The following SLC12A6 variants were observed in gnomAD, a reference collection of about 807,000 sequenced individuals.
The protein encoded by SLC12A6 is solute carrier family 12 member 6, also known as K-Cl cotransporter 3.
SLC12A6 carries 66 observed loss-of-function variants against 135.3 expected under a neutral mutation model. The observed-to-expected ratio is 0.49, with a 90% CI of 0.40 to 0.60. The LOEUF (loss-of-function observed/expected upper bound fraction) is 0.60, where lower values mean the gene tolerates loss of function less well. Among genes scored for constraint, SLC12A6 ranks in the 20% least tolerant of loss-of-function variants. The pLI is 0.00. For missense variants in SLC12A6, 1,058 were observed against 1,452.3 expected (o/e 0.73, Z 4.41); for synonymous variants, 513 against 508.8 (o/e 1.01, Z -0.11).
At chr15:34,290,416 G>A (rs1895433428) in intron 2 of SLC12A6, among the ~76,000 whole-genome samples, 1 of 152,176 alleles carries the variant, frequency 6.6e-6, no homozygotes. Flanking sequence ...GTCAATTTTA[G>A]AATAAGTGCT....
intron 2 of SLC12A6, among the ~76,000 whole-genome samples, chr15:34,303,897 G>A (rs1210179504): frequency 6.6e-6 from 1 of 152,236 alleles, no homozygotes; most frequent in East Asian, 1.9e-4. Flanking sequence ...CCAGTCTGTG[G>A]TATTGTTATA....
At chr15:34,314,266 C>T (rs1459966347) in intron 2 of SLC12A6, among the ~76,000 whole-genome samples, 2 of 152,104 alleles carry the variant, frequency 1.3e-5, no homozygotes, top group Non-Finnish European at 2.9e-5. Context: ...AAGCTGGTCT[C>T]GAACTCCTGA....
chr15:34,258,150 A>G (rs1258310768), intron 5 of SLC12A6, among the ~76,000 whole-genome samples: 1 of 152,238 alleles, frequency 6.6e-6, no homozygotes, highest in African/African-American at 2.4e-5. Flanking sequence ...GAATTTCTTC[A>G]GAATTTGGCA....
At chr15:34,296,897 T>C (rs1226631080) in intron 2 of SLC12A6, among the ~76,000 whole-genome samples, 1 of 152,134 alleles carries the variant, frequency 6.6e-6, no homozygotes, top group Non-Finnish European at 1.5e-5. Flanking sequence ...TGAAAAAAAA[T>C]TTTAGTAACC....
chr15:34,251,344 T>A (rs1892380928), intron 10 of SLC12A6, among the ~76,000 whole-genome samples: 1 of 152,194 alleles, frequency 6.6e-6, no homozygotes, highest in South Asian at 2.1e-4. Context: ...GCCTCCCAGG[T>A]TCACGCCATT....
At position 34,336,601 on chromosome 15, in the gene SLC12A6, C is replaced by A. The variant is rs1297931538; in HGVS notation, c.80G>T (p.Gly27Val). ...VTPTKIDDIP[G>V]LSDTSPDLSS... is the part of the protein sequence containing the mutation. ...GAGGTCCGGACTGGTGTCTGACAAACCTGGAATGTCATCGATCTTTGTCGG... is the reference window on the plus strand; with the variant it reads ...GAGGTCCGGACTGGTGTCTGACAAAACTGGAATGTCATCGATCTTTGTCGG... The change falls in exon 2 of 26, where the codon GGT becomes GTT. Residue 27 changes from glycine to valine, a missense_variant. Physicochemically the swap from Gly to Val is moderately radical, Grantham distance 109 (BLOSUM62 -3). Around this residue, in one of 6 missense-constraint regions of SLC12A6, gnomAD observed 176 missense variants for 168.9 expected, o/e 1.04. Coordinates refer to ENST00000354181, the MANE Select transcript of SLC12A6 (RefSeq NM_001365088.1). The A allele has an allele frequency of 6.2e-7, 1 of 1,613,694 alleles. No homozygotes were observed. Among genetic ancestry groups the A allele is most frequent in the Non-Finnish European group, 8.5e-7 (1 of 1,179,706 alleles).
intron 13 of SLC12A6, among the ~76,000 whole-genome samples, chr15:34,246,933 G>A (rs1002832644): frequency 1.3e-5 from 2 of 152,220 alleles, no homozygotes; most frequent in Non-Finnish European, 2.9e-5. Context: ...TTACAGGCAT[G>A]AGCCATTGTG....
intron 2 of SLC12A6, among the ~76,000 whole-genome samples, chr15:34,322,894 C>G (rs546325187): frequency 7.1e-6 from 1 of 141,442 alleles, no homozygotes; most frequent in East Asian, 2.1e-4. Flanking sequence ...AGGAGAATCG[C>G]TTGAACCCAG....
chr15:34,294,905 A>C (rs1411501322), intron 2 of SLC12A6, among the ~76,000 whole-genome samples: 1 of 152,214 alleles, frequency 6.6e-6, no homozygotes. Flanking sequence ...GCTTTTATAG[A>C]CACAACTCTA....
In SLC12A6 at chr15:34,229,891, TA is replaced by T. The variant is rs763995327; in HGVS notation, c.*3989del. The T allele has an allele frequency of 6.3e-6, 7 of 1,111,200 alleles. No homozygotes were observed. The South Asian group carries it at 8.9e-5, about 14-fold the overall frequency. The allele number at this position is 1,111,200 out of a possible 1,614,324, so 68.8% of individuals were successfully genotyped here. On this transcript the variant is annotated 3_prime_UTR_variant, in exon 26 of 26. Coordinates refer to ENST00000354181, the MANE Select transcript of SLC12A6 (RefSeq NM_001365088.1). ...ATACTCTTAAACTAATCACTTATGT[TA>T]AAAAGAACCAAAAGACTCTTTTCTC...
chr15:34,245,825 T>C lies in SLC12A6; in HGVS notation c.1692A>G (p.Leu564=). ...CAATCACCCATGGGGATGGCCAAGA[T>C]AAGGTGCCTACCACCAAATTACCTT... is the stretch of plus-strand genomic sequence containing the variant. ...AVKGNLVVGT[L]SWPSPWVIVI... is the part of the protein sequence containing the mutation. The change falls in exon 14 of 26, where the codon TTA becomes TTG. Residue 564 remains leucine (L), a synonymous_variant. Coordinates refer to ENST00000354181, the MANE Select transcript of SLC12A6 (RefSeq NM_001365088.1). The C allele has an allele frequency of 1.2e-6, 2 of 1,613,656 alleles. No homozygotes were observed. The highest frequency in any genetic ancestry group is 1.7e-6 in the Non-Finnish European group (2 of 1,179,632).
chr15:34,242,303 T>G, intron 16 of SLC12A6, 82 bp from the exon 17 acceptor site: 1 of 960,640 alleles, frequency 1.0e-6, no homozygotes, highest in Admixed American at 2.1e-5. Context: ...AAACTATCTG[T>G]GGTGAGGTAT....
intron 13 of SLC12A6, among the ~76,000 whole-genome samples, chr15:34,249,548 C>A (rs532173192): frequency 7.9e-5 from 12 of 152,126 alleles, no homozygotes; most frequent in African/African-American, 2.9e-4. Flanking sequence ...GTCTGGGCAA[C>A]AGAGCAAGAC....
At chr15:34,288,118 G>GT (rs373621716) in intron 2 of SLC12A6, among the ~76,000 whole-genome samples, 28 of 152,134 alleles carry the variant, frequency 1.8e-4, no homozygotes, top group Non-Finnish European at 5.9e-5. Flanking sequence ...TAGGTCTTAT[G>GT]TTTAAGTCTT....
intron 2 of SLC12A6, among the ~76,000 whole-genome samples, chr15:34,316,908 C>G (rs891836275): frequency 1.3e-5 from 2 of 152,028 alleles, no homozygotes; most frequent in Non-Finnish European, 1.5e-5. Flanking sequence ...ATGAAATTAA[C>G]GAAGACAACA....
intron 2 of SLC12A6, among the ~76,000 whole-genome samples, chr15:34,280,290 C>T (rs1056480229): frequency 1.3e-5 from 2 of 152,028 alleles, no homozygotes; most frequent in Admixed American, 1.3e-4. Context: ...AATAACACAC[C>T]AACAGCAGAA....
intron 3 of SLC12A6, among the ~76,000 whole-genome samples, chr15:34,265,593 G>A (rs1443963027): frequency 2.0e-5 from 3 of 152,042 alleles, no homozygotes; most frequent in South Asian, 2.1e-4. Flanking sequence ...AAACAAATCC[G>A]ACTTACAGTA....
intron 2 of SLC12A6, among the ~76,000 whole-genome samples, chr15:34,300,785 C>A (rs1896192108): frequency 8.5e-6 from 1 of 118,098 alleles, no homozygotes. Context: ...GACAGAGTGA[C>A]TCCGTCTCAA....
At chr15:34,236,227 T>C (rs1891253977) in intron 23 of SLC12A6, 28 bp from the exon 24 acceptor site, 1 of 1,575,730 alleles carries the variant, frequency 6.3e-7, no homozygotes, top group African/African-American at 1.3e-5. Flanking sequence ...ACACAAGTTA[T>C]TCTACCAAAT....
Sources: allele counts gnomAD v4.1 joint callset (sites outside exome capture counted in the v4.1 genomes callset), GRCh38; gene constraint gnomAD v4.1.1; regional missense constraint gnomAD v4.1.1; transcripts MANE v1.5; gene names NCBI Gene and HGNC (gene_info 2026-07-23, HGNC 2026-07-21).